PARP4: variants seen among roughly 807,000 people sequenced by gnomAD.
The protein encoded by PARP4 is protein mono-ADP-ribosyltransferase PARP4.
PARP4 carries 120 observed loss-of-function variants against 187.7 expected under a neutral mutation model. That is an observed-to-expected ratio of 0.64 (90% CI 0.55 to 0.74). PARP4 has a LOEUF of 0.74. Ranked by LOEUF, PARP4 falls within the 30% of genes least tolerant of loss-of-function variation. The pLI is 0.00. For synonymous variants in PARP4, 654 were observed against 740.9 expected (o/e 0.88, Z 1.90); for missense variants, 1,836 against 2,070.5 (o/e 0.89, Z 2.20).
Position 24,449,216 on chromosome 13 carries a change from A to G in PARP4, c.3114+502T>C, listed in dbSNP as rs139709158. 2.9e-3 allele frequency among the ~76,000 whole-genome samples: 447 copies of G among 152,034 alleles called. 3 individuals are homozygous for G. The highest frequency in any genetic ancestry group is 6.6e-3 in the African/African-American group (275 of 41,452). ...ATCCTGGCTAACACAGTGAAACCCCATCTCTACTAAAAATACAAACAATTA... is the reference window on the plus strand; with the variant it reads ...ATCCTGGCTAACACAGTGAAACCCCGTCTCTACTAAAAATACAAACAATTA... On this transcript the variant is annotated intron_variant, in intron 25 of 33. Transcript: ENST00000381989.
In PARP4 at chr13:24,435,121, A is replaced by G; in HGVS notation, c.4020T>C (p.Ser1340=). The stretch of plus-strand genomic sequence containing the variant: ...TAGCTACCTGACGATATGAGGCAAA[A>G]GACAAGGAAGCAGGACTGTGAGCGC... ...TARAHSPASL[S]FASYRQVASF... is the part of the protein sequence containing the mutation. The change falls in exon 31 of 34, where the codon TCT becomes TCC. Residue 1340 remains serine (S), a synonymous_variant. Transcript: ENST00000381989. 6.2e-7 allele frequency: 1 copy of G among 1,614,210 alleles called. No individual in the cohort carries two copies. The highest frequency in any genetic ancestry group is 8.5e-7 in the Non-Finnish European group (1 of 1,180,044).
chr13:24,493,671 C>T lies in PARP4; in HGVS notation c.804G>A (p.Glu268=). 6.2e-7 allele frequency: 1 copy of T among 1,614,116 alleles called. No homozygotes were observed. The highest frequency in any genetic ancestry group is 8.5e-7 in the Non-Finnish European group (1 of 1,179,996). ...GGCCCAGGGCCTCTGCCCAAATCAT[C>T]TCTACTAAATCGCTCACCTCTTGGC... is the stretch of plus-strand genomic sequence containing the variant. The part of the protein sequence containing the change: ...TLSQEVSDLV[E]MIWAEALGHL... Residue 268 remains glutamate (E), a synonymous_variant, in exon 8 of 34, where the codon GAG becomes GAA. Coordinates refer to ENST00000381989, the MANE Select transcript of PARP4 (RefSeq NM_006437.4).
At chr13:24,443,895 C>T (rs9553297) in intron 27 of PARP4, among the ~76,000 whole-genome samples, 165 bp from the exon 28 acceptor site, 76,740 of 151,992 alleles carry the variant, frequency 0.5, 20,728 homozygotes, top group South Asian at 0.64. Flanking sequence ...GTTGTGTGAC[C>T]ACTGTTGAAG....
At chr13:24,479,793 G>A (rs138123365) in intron 12 of PARP4, among the ~76,000 whole-genome samples, 2,246 of 152,262 alleles carry the variant, frequency 0.015, 52 homozygotes, top group African/African-American at 0.051. Context: ...GTCCTCTTCC[G>A]CACTGTGGAA....
intron 30 of PARP4, among the ~76,000 whole-genome samples, chr13:24,439,443 A>G (rs1387843798): frequency 6.6e-6 from 1 of 152,240 alleles, no homozygotes; most frequent in Non-Finnish European, 1.5e-5. Flanking sequence ...AGAATGTCTT[A>G]TCTGATCTAT....
At chr13:24,499,454 T>G (rs1869151859) in intron 4 of PARP4, 78 bp from the exon 5 acceptor site, 2 of 1,218,762 alleles carry the variant, frequency 1.6e-6, no homozygotes, top group African/African-American at 3.1e-5. Context: ...AATTTTTTCT[T>G]GTACATCTTT....
At position 24,435,377 on chromosome 13, in the gene PARP4, G is replaced by C; in HGVS notation, c.3764C>G (p.Pro1255Arg). 6.2e-7 allele frequency: 1 copy of C among 1,612,412 alleles called. No homozygotes were observed. ...FSKRKMELSQ[P>R]EVSEDFEEDG... ...CTCTTCAAAATCTTCAGAAACTTCT[G>C]GCTGAGATAATTCCATTTTTCTTTT... The change falls in exon 31 of 34, where the codon CCA becomes CGA. Residue 1255 changes from proline (P) to arginine (R), a missense_variant. By Grantham distance (103) the Pro-to-Arg change is moderately radical. Around this residue, in one of 8 missense-constraint regions of PARP4, gnomAD observed 450 missense variants for 439.2 expected, o/e 1.02. Coordinates refer to ENST00000381989, the MANE Select transcript of PARP4 (RefSeq NM_006437.4).
In PARP4 at chr13:24,434,684, G is replaced by A; in HGVS notation, c.4457C>T (p.Ala1486Val). ...GGTAGTCCGGGACTGACTGCAAAGA[G>A]CCTCAGGTAAAGCAGAGGCCATTGG... ...RLPMASALPEALCSQSRTTPV... is the reference protein window; with the variant it reads ...RLPMASALPEVLCSQSRTTPV... The change falls in exon 31 of 34, where the codon GCT (alanine) becomes GTT (valine). Residue 1486 changes from alanine to valine, a missense_variant. By Grantham distance (64) the Ala-to-Val change is moderately conservative. Around this residue, in one of 8 missense-constraint regions of PARP4, gnomAD observed 450 missense variants for 439.2 expected, o/e 1.02. Coordinates refer to ENST00000381989, the MANE Select transcript of PARP4 (RefSeq NM_006437.4). 1 of 1,614,158 alleles carries A rather than the reference G, an allele frequency of 6.2e-7. No individual in the cohort carries two copies. Among genetic ancestry groups the A allele is most frequent in the Non-Finnish European group, 8.5e-7 (1 of 1,180,024 alleles).
rs1256736418 is a variant in PARP4 at position 24,490,812 on chromosome 13, A to T, written c.1070T>A (p.Val357Asp). 1 of 1,613,448 alleles carries T rather than the reference A, an allele frequency of 6.2e-7. No homozygotes were observed. Among genetic ancestry groups the T allele is most frequent in the Non-Finnish European group, 8.5e-7 (1 of 1,179,660 alleles). The change falls in exon 10 of 34, where the codon GTT becomes GAT. Residue 357 changes from valine (V) to aspartate (D), a missense_variant. Val to Asp is a radical substitution (Grantham distance 152, BLOSUM62 -3). Transcript: ENST00000381989. ...ADLCQLIRDM[V>D]NVCETNLSKP... ...GGACAAATTAGTTTCACAGACATTA[A>T]CCATGTCTCTTATTAGCTGTAGGTG...
chr13:24,474,887 C>T (rs1872906659), intron 15 of PARP4, among the ~76,000 whole-genome samples: 1 of 152,134 alleles, frequency 6.6e-6, no homozygotes, highest in East Asian at 1.9e-4. Context: ...ACCTCTCTGA[C>T]TCAGTCCCCA....
intron 14 of PARP4, among the ~76,000 whole-genome samples, chr13:24,476,241 G>A (rs1353239306): frequency 6.6e-6 from 1 of 151,838 alleles, no homozygotes; most frequent in Non-Finnish European, 1.5e-5. Context: ...AGCCTCTCGA[G>A]TAGCTGCGAC....
rs569576402 is a variant in PARP4 at position 24,506,203 on chromosome 13, G to A, written c.-1-2426C>T. ...GAAGCCGCAGACCCTCGCAGTGAGC[G>A]TTACAGTTCTTTAAGGCGGCGCATC... is the stretch of plus-strand genomic sequence containing the variant. On this transcript the variant is annotated intron_variant, in intron 1 of 33. Coordinates refer to ENST00000381989, the MANE Select transcript of PARP4 (RefSeq NM_006437.4). Among the ~76,000 whole-genome samples the A allele has an allele frequency of 3.3e-5, 5 of 152,310 alleles. No individual in the cohort carries two copies. In the South Asian group the frequency reaches 6.2e-4, roughly 19 times the overall value.
chr13:24,493,522 C>T (rs1593646561), intron 8 of PARP4, 74 bp downstream of exon 8: 2 of 1,429,606 alleles, frequency 1.4e-6, no homozygotes, highest in East Asian at 2.3e-5. Flanking sequence ...CATGCAAACA[C>T]ACGTGTTATT....
intron 2 of PARP4, among the ~76,000 whole-genome samples, chr13:24,502,785 G>A (rs1869374371): frequency 6.6e-6 from 1 of 152,256 alleles, no homozygotes; most frequent in South Asian, 2.1e-4. Context: ...AGACAGCTCA[G>A]TGTGGGAAGC....
At chr13:24,511,921 A>G (rs1391112269) in intron 1 of PARP4, among the ~76,000 whole-genome samples, 1 of 152,232 alleles carries the variant, frequency 6.6e-6, no homozygotes, top group Non-Finnish European at 1.5e-5. Context: ...TCACTCCTAC[A>G]TGATATACAG....
At chr13:24,434,014 C>T (rs1365146096) in intron 31 of PARP4, among the ~76,000 whole-genome samples, 1 of 152,184 alleles carries the variant, frequency 6.6e-6, no homozygotes, top group African/African-American at 2.4e-5. Context: ...AGTGCTTGTG[C>T]TCTACTTCAC....
intron 30 of PARP4, among the ~76,000 whole-genome samples, chr13:24,439,576 G>T (rs1870811970): frequency 6.6e-6 from 1 of 152,118 alleles, no homozygotes; most frequent in Non-Finnish European, 1.5e-5. Context: ...ATATAACAAT[G>T]TTTGCTATGT....
At chr13:24,422,815 G>A (rs1480720256) in intron 33 of PARP4, among the ~76,000 whole-genome samples, 3 of 151,980 alleles carry the variant, frequency 2.0e-5, no homozygotes, top group Non-Finnish European at 4.4e-5. Context: ...CACCATCTTG[G>A]CCAGGATGGT....
intron 17 of PARP4, among the ~76,000 whole-genome samples, chr13:24,461,900 C>G (rs1872232880): frequency 6.6e-6 from 1 of 152,190 alleles, no homozygotes; most frequent in African/African-American, 2.4e-5. Flanking sequence ...ACAGCCACCT[C>G]CCCATGGGGC....
Sources: gnomAD v4.1 joint callset for allele counts (sites outside exome capture counted in the v4.1 genomes callset) on GRCh38, gnomAD v4.1.1 for gene constraint, gnomAD v4.1.1 regional missense constraint, MANE v1.5 for transcripts, NCBI Gene and HGNC (gene_info 2026-07-23, HGNC 2026-07-21) for gene names.